CSNK1G3: variants seen among roughly 807,000 people sequenced by gnomAD.
CSNK1G3 encodes the protein casein kinase 1 gamma 3.
A neutral mutation model predicts 64.3 loss-of-function variants in CSNK1G3; 23 were observed. The ratio of observed to expected loss-of-function variants is 0.36; its 90% confidence interval spans 0.26 to 0.51. The LOEUF is 0.51. Among genes scored for constraint, CSNK1G3 ranks in the 20% least tolerant of loss-of-function variants. CSNK1G3 has a pLI of 0.96. For synonymous variants in CSNK1G3, 158 were observed against 162.2 expected (o/e 0.97, Z 0.20); for missense variants, 357 against 510.5 (o/e 0.70, Z 2.90).
intron 10 of CSNK1G3, among the ~76,000 whole-genome samples, chr5:123,592,143 T>C (rs1189702353): frequency 1.3e-5 from 2 of 152,196 alleles, no homozygotes; most frequent in Admixed American, 1.3e-4. Context: ...GAAGATTTTA[T>C]GGAAAAGGTA....
At chr5:123,566,206 C>G (rs1266659523) in intron 4 of CSNK1G3, among the ~76,000 whole-genome samples, 1 of 151,986 alleles carries the variant, frequency 6.6e-6, no homozygotes, top group African/African-American at 2.4e-5. Context: ...AAAGGGAATA[C>G]CAACATATAA....
chr5:123,611,841 T>C (rs1796386941), intron 12 of CSNK1G3, among the ~76,000 whole-genome samples: 1 of 152,242 alleles, frequency 6.6e-6, no homozygotes, highest in African/African-American at 2.4e-5. Context: ...TCTAAATACC[T>C]ATTTTTATGT....
At chr5:123,522,645 G>A (rs1778327860) in intron 1 of CSNK1G3, among the ~76,000 whole-genome samples, 1 of 152,010 alleles carries the variant, frequency 6.6e-6, no homozygotes, top group African/African-American at 2.4e-5. Context: ...TACAATGTAA[G>A]TGCTGTGTAA....
intron 3 of CSNK1G3, among the ~76,000 whole-genome samples, chr5:123,557,111 C>T (rs1199979889): frequency 6.6e-6 from 1 of 151,992 alleles, no homozygotes; most frequent in East Asian, 1.9e-4. Context: ...TCTTACTATC[C>T]TATGACTTAA....
At chr5:123,583,371 T>C (rs1195659640) in intron 6 of CSNK1G3, among the ~76,000 whole-genome samples, 1 of 152,004 alleles carries the variant, frequency 6.6e-6, no homozygotes, top group Non-Finnish European at 1.5e-5. Flanking sequence ...TTTTTTTTTT[T>C]TTTTTTGAGA....
chr5:123,611,908 G>T (rs1221287943), intron 12 of CSNK1G3, among the ~76,000 whole-genome samples: 1 of 152,060 alleles, frequency 6.6e-6, no homozygotes, highest in Non-Finnish European at 1.5e-5. Context: ...AAATTTAAAG[G>T]TTCATTTGGA....
chr5:123,603,449 C>T (rs770770309), intron 10 of CSNK1G3, among the ~76,000 whole-genome samples: 18 of 152,014 alleles, frequency 1.2e-4, no homozygotes, highest in Non-Finnish European at 2.6e-4. Flanking sequence ...TTCCTATTCT[C>T]TGCGAGACAT....
At chr5:123,595,627 G>A (rs1355287564) in intron 10 of CSNK1G3, among the ~76,000 whole-genome samples, 2 of 151,920 alleles carry the variant, frequency 1.3e-5, no homozygotes, top group East Asian at 3.9e-4. Flanking sequence ...TACATGTTTT[G>A]TTTGTACTTA....
chr5:123,512,371 C>G (rs1776313128), exon 1 of CSNK1G3: 1 of 152,392 alleles, frequency 6.6e-6, no homozygotes, highest in Non-Finnish European at 1.5e-5. Flanking sequence ...CGAATCCGAG[C>G]AGCGCTGCGT....
intron 1 of CSNK1G3, among the ~76,000 whole-genome samples, chr5:123,538,372 G>A (rs968736079): frequency 2.0e-5 from 3 of 152,166 alleles, no homozygotes; most frequent in African/African-American, 7.2e-5. Flanking sequence ...CTATTTTAAT[G>A]GGTGTGAAAT....
At chr5:123,533,386 A>G (rs962480605) in intron 1 of CSNK1G3, among the ~76,000 whole-genome samples, 3 of 151,932 alleles carry the variant, frequency 2.0e-5, no homozygotes, top group Admixed American at 6.6e-5. Flanking sequence ...TCAGTTATCT[A>G]TCGTACGGTA....
exon 13 of CSNK1G3, chr5:123,615,356 T>G (rs549941476): frequency 1.3e-5 from 2 of 152,650 alleles, no homozygotes; most frequent in South Asian, 4.1e-4. Flanking sequence ...CAGAAAACTT[T>G]GGATGTGCCA....
intron 4 of CSNK1G3, among the ~76,000 whole-genome samples, chr5:123,569,259 C>T (rs1257619165): frequency 6.6e-6 from 1 of 152,140 alleles, no homozygotes; most frequent in Non-Finnish European, 1.5e-5. Context: ...AAATGTGCTG[C>T]TTTCTATTCT....
At position 123,588,349 on chromosome 5, in the gene CSNK1G3, T is replaced by A. The variant is rs897135194; in HGVS notation, c.760-78T>A. The stretch of plus-strand genomic sequence containing the variant: ...GCCTTGGCCTTCCAAAGCTCTGTGA[T>A]TACAGGCTACCGTGTGCAGTCCCAG... On this transcript the variant is annotated intron_variant, in intron 7 of 12. Coordinates refer to ENST00000345990, the Ensembl canonical transcript of CSNK1G3. 53 of 1,248,868 alleles carry A rather than the reference T, an allele frequency of 4.2e-5. No homozygotes were observed. The Admixed American group carries it at 9.2e-4, about 22-fold the overall frequency. 77.4% of individuals were successfully genotyped at this position (1,248,868 alleles called of 1,614,324 possible). A position where few individuals can be genotyped will look rare whatever the true frequency, so the allele number is the denominator to read the frequency against.
intron 2 of CSNK1G3, 161 bp from the exon 3 acceptor site, chr5:123,552,941 TTGATA>T (rs1296073531): frequency 4.8e-6 from 2 of 416,248 alleles, no homozygotes; most frequent in Non-Finnish European, 8.8e-6. Flanking sequence ...ATACATCGAG[TTGATA>T]ATAAGTTTGA....
intron 12 of CSNK1G3, among the ~76,000 whole-genome samples, chr5:123,607,391 T>C (rs1795537636): frequency 1.3e-5 from 2 of 152,146 alleles, no homozygotes; most frequent in Non-Finnish European, 2.9e-5. Context: ...TCCTAATAAA[T>C]CATTACTAAA....
intron 1 of CSNK1G3, among the ~76,000 whole-genome samples, chr5:123,516,207 GC>G: frequency 6.6e-6 from 1 of 152,158 alleles, no homozygotes; most frequent in Non-Finnish European, 1.5e-5. Context: ...TCCTGTAGGT[GC>G]AGACAGTATG....
Position 123,545,399 on chromosome 5 carries a change from C to A in CSNK1G3, c.-247-18C>A. ...TTAAAATTCTTAGTTGACTAATTTC[C>A]TTTTCTTAATATTCTAGCTCTCTAT... On this transcript the variant is annotated intron_variant, in intron 1 of 12. Coordinates refer to ENST00000345990, the Ensembl canonical transcript of CSNK1G3. 1 of 285,936 alleles carries A rather than the reference C, an allele frequency of 3.5e-6. No homozygotes were observed. Among genetic ancestry groups the A allele is most frequent in the Non-Finnish European group, 6.5e-6 (1 of 154,450 alleles). The allele number at this position is 285,936 out of a possible 1,614,324, so 17.7% of individuals were successfully genotyped here.
At chr5:123,522,275 A>G (rs898554450) in intron 1 of CSNK1G3, among the ~76,000 whole-genome samples, 4 of 152,064 alleles carry the variant, frequency 2.6e-5, no homozygotes, top group Non-Finnish European at 4.4e-5. Context: ...AGGCAGAGGC[A>G]GGCGGATCAC....
Sources: gnomAD v4.1 joint callset for allele counts (sites outside exome capture counted in the v4.1 genomes callset) on GRCh38, gnomAD v4.1.1 for gene constraint, MANE v1.5 for transcripts, NCBI Gene and HGNC (gene_info 2026-07-23, HGNC 2026-07-21) for gene names.